Variants in SLC38A1 observed in about 807,000 individuals in gnomAD.
SLC38A1 encodes sodium-coupled neutral amino acid symporter 1.
Under a neutral mutation model 60.3 loss-of-function variants are expected in SLC38A1, and 18 were observed. The ratio of observed to expected loss-of-function variants is 0.30; its 90% CI spans 0.21 to 0.44. The LOEUF (loss-of-function observed/expected upper bound fraction) is 0.44. Among genes scored for constraint, SLC38A1 ranks in the 20% least tolerant of loss-of-function variants. The pLI, the probability that SLC38A1 is intolerant of heterozygous loss-of-function variation, is 1.00. For missense variants in SLC38A1, 448 were observed against 587.2 expected, an observed-to-expected ratio of 0.76 and a Z score of 2.45; for synonymous variants, 196 against 212.1, an observed-to-expected ratio of 0.92 and a Z score of 0.66.
chr12:46,231,591 A>G (rs936249581), intron 3 of SLC38A1, among the ~76,000 whole-genome samples: 7 of 152,202 alleles, frequency 4.6e-5, no homozygotes, highest in African/African-American at 1.7e-4. Context: ...ATAAATATAA[A>G]ACCACTTGAA....
intron 2 of SLC38A1, among the ~76,000 whole-genome samples, chr12:46,242,049 AGT>A (rs1308393653): frequency 1.3e-5 from 2 of 152,196 alleles, no homozygotes; most frequent in East Asian, 1.9e-4. Flanking sequence ...TATATATGTG[AGT>A]GTGTGTATGC....
At chr12:46,229,471 T>A (rs1033821626) in intron 4 of SLC38A1, 93 bp downstream of exon 4, 4 of 1,013,370 alleles carry the variant, frequency 3.9e-6, no homozygotes, top group Non-Finnish European at 6.2e-6. Flanking sequence ...TACAGGTAGT[T>A]ATGCTTTTGG....
At chr12:46,267,986 G>C (rs1045982574) in intron 1 of SLC38A1, among the ~76,000 whole-genome samples, 13 of 152,302 alleles carry the variant, frequency 8.5e-5, no homozygotes, top group Admixed American at 3.3e-4. Flanking sequence ...CAGGAAGGAC[G>C]GCAAACATGC....
intron 16 of SLC38A1, chr12:46,196,056 C>A: frequency 7.9e-7 from 1 of 1,265,418 alleles, no homozygotes; most frequent in Non-Finnish European, 1.1e-6. Flanking sequence ...GAGCTGCAGA[C>A]CAGAGCTGTT....
chr12:46,219,348 T>C (rs1940557130), intron 5 of SLC38A1, among the ~76,000 whole-genome samples: 1 of 152,238 alleles, frequency 6.6e-6, no homozygotes, highest in African/African-American at 2.4e-5. Flanking sequence ...ATGGGGGTAA[T>C]TAACAGGGTT....
At chr12:46,194,577 C>T (rs1167460276) in intron 16 of SLC38A1, among the ~76,000 whole-genome samples, 2 of 152,200 alleles carry the variant, frequency 1.3e-5, no homozygotes, top group South Asian at 2.1e-4. Context: ...ACCAGTCAAA[C>T]GTATATTTGG....
intron 13 of SLC38A1, among the ~76,000 whole-genome samples, chr12:46,200,176 G>A (rs1939588278): frequency 6.6e-6 from 1 of 152,058 alleles, no homozygotes; most frequent in South Asian, 2.1e-4. Flanking sequence ...ATTAAATGTG[G>A]TATTTATGAA....
intron 11 of SLC38A1, 109 bp downstream of exon 11, chr12:46,204,192 G>A: frequency 1.4e-6 from 1 of 737,698 alleles, no homozygotes; most frequent in African/African-American, 1.7e-5. Context: ...ATGGTATCAT[G>A]TGTTCTTTTG....
intron 12 of SLC38A1, among the ~76,000 whole-genome samples, chr12:46,202,228 A>G (rs1177288908): frequency 6.6e-6 from 1 of 151,962 alleles, no homozygotes; most frequent in African/African-American, 2.4e-5. Context: ...ATTGAGAAGT[A>G]TACGCTTGAG....
intron 5 of SLC38A1, among the ~76,000 whole-genome samples, chr12:46,211,649 C>A (rs1445076105): frequency 2.6e-5 from 4 of 152,056 alleles, no homozygotes; most frequent in Non-Finnish European, 2.9e-5. Context: ...CTTTTCAAGC[C>A]GGAGAAAAGT....
At chr12:46,241,607 C>T (rs1941451521) in intron 2 of SLC38A1, among the ~76,000 whole-genome samples, 1 of 152,108 alleles carries the variant, frequency 6.6e-6, no homozygotes, top group Admixed American at 6.6e-5. Context: ...TTCCTCTAAC[C>T]ACAGTGGTGG....
chr12:46,234,081 C>T (rs1455622838), intron 3 of SLC38A1, among the ~76,000 whole-genome samples: 2 of 152,206 alleles, frequency 1.3e-5, no homozygotes, highest in Non-Finnish European at 2.9e-5. Flanking sequence ...CCTATCAGTT[C>T]AAAACCCTCA....
At chr12:46,203,848 CCTGA>C (rs1226032883) in intron 11 of SLC38A1, among the ~76,000 whole-genome samples, 1 of 152,160 alleles carries the variant, frequency 6.6e-6, no homozygotes, top group African/African-American at 2.4e-5. Flanking sequence ...CAAATCCAAG[CCTGA>C]CTGACTCCAT....
Position 46,198,039 on chromosome 12 carries a change from G to T in SLC38A1, c.1144C>A (p.Leu382Met), listed in dbSNP as rs761618522. ...AAATTAAACTTTGTTTTCTTAGCCA[G>T]TTCAAATAAAGATGAACGAACCTGC... ...FFTVRSSLFELAKKTKFNLCR... is the reference protein window; with the variant it reads ...FFTVRSSLFEMAKKTKFNLCR... The change falls in exon 15 of 17, where the codon CTG becomes ATG. Residue 382 changes from leucine (L) to methionine (M), a missense_variant. Leu to Met is a conservative substitution (Grantham distance 15). Coordinates refer to ENST00000398637, the MANE Select transcript of SLC38A1 (RefSeq NM_030674.4). 3 of 1,613,654 alleles carry T rather than the reference G, an allele frequency of 1.9e-6. No homozygotes were observed. In the African/African-American group the frequency reaches 4.0e-5, roughly 22 times the overall value.
chr12:46,218,645 T>A (rs908499874), intron 5 of SLC38A1, among the ~76,000 whole-genome samples: 2 of 152,094 alleles, frequency 1.3e-5, no homozygotes, highest in Non-Finnish European at 2.9e-5. Flanking sequence ...AACCACTTTA[T>A]TGAGACAGGG....
chr12:46,203,105 G>C lies in SLC38A1; in HGVS notation c.823-16C>G. On this transcript the variant is annotated splice_polypyrimidine_tract_variant and intron_variant, in intron 11 of 16. Transcript: ENST00000398637. Reference sequence around the variant, plus strand: ...CATACACGGTCTATTTGAGAGAAAAGAATAGACATTAGGAAAAACACTTTT... The same window carrying C: ...CATACACGGTCTATTTGAGAGAAAACAATAGACATTAGGAAAAACACTTTT... 6.2e-7 allele frequency: 1 copy of C among 1,603,632 alleles called. No individual in the cohort carries two copies. Among genetic ancestry groups the C allele is most frequent in the Non-Finnish European group, 8.5e-7 (1 of 1,172,542 alleles).
intron 1 of SLC38A1, among the ~76,000 whole-genome samples, chr12:46,254,473 C>T (rs1941958216): frequency 2.0e-5 from 3 of 152,156 alleles, no homozygotes; most frequent in Non-Finnish European, 4.4e-5. Flanking sequence ...TTCACATAAG[C>T]CTTTTGTAAT....
chr12:46,221,831 A>C (rs1269272025), intron 5 of SLC38A1, among the ~76,000 whole-genome samples: 2 of 152,206 alleles, frequency 1.3e-5, no homozygotes, highest in Admixed American at 1.3e-4. Flanking sequence ...TGACACTGAA[A>C]AGGAAAGGAA....
At chr12:46,205,396 G>A (rs1939850338) in intron 9 of SLC38A1, among the ~76,000 whole-genome samples, 2 of 152,236 alleles carry the variant, frequency 1.3e-5, no homozygotes, top group South Asian at 2.1e-4. Flanking sequence ...ATTGTTTGGA[G>A]AGCTTTTATC....
Sources: allele counts gnomAD v4.1 joint callset (sites outside exome capture counted in the v4.1 genomes callset), GRCh38; gene constraint gnomAD v4.1.1; transcripts MANE v1.5; gene names NCBI Gene and HGNC (gene_info 2026-07-23, HGNC 2026-07-21).